The following L3HYPDH variants were observed in gnomAD, a reference collection of about 807,000 sequenced individuals.
L3HYPDH encodes the protein trans-L-3-hydroxyproline dehydratase.
In L3HYPDH, 32 loss-of-function variants were observed where a neutral mutation model predicts 26.5. The ratio of observed to expected loss-of-function variants is 1.21; its 90% CI spans 0.91 to 1.62. The LOEUF is 1.62. L3HYPDH is among the 40% of genes most tolerant of loss of function. The probability of loss-of-function intolerance (pLI) is 0.00; values close to 1 mark genes in which losing one functional copy is unlikely to be tolerated. For synonymous variants in L3HYPDH, 215 were observed against 196.6 expected (o/e 1.09, Z -0.78); for missense variants, 554 against 476.4 (o/e 1.16, Z -1.52).
At chr14:59,483,297 T>C (rs1461715705) in intron 1 of L3HYPDH, among the ~76,000 whole-genome samples, 1 of 152,240 alleles carries the variant, frequency 6.6e-6, no homozygotes, top group Non-Finnish European at 1.5e-5. Flanking sequence ...GCAACATTCG[T>C]ATCTTAATGA....
chr14:59,475,822 C>T lies in L3HYPDH; in HGVS notation c.939+47G>A, dbSNP rs1157646588. On this transcript the variant is annotated intron_variant, in intron 4 of 4. Transcript: ENST00000247194. ...AACACCCAACTCAGGCCTCTCCAGT[C>T]TCATGAGTGACACATTTATAAATAA... The T allele has an allele frequency of 2.6e-6, 4 of 1,563,972 alleles. No homozygotes were observed. In the Admixed American group the frequency reaches 7.4e-5, roughly 29 times the overall value.
intron 4 of L3HYPDH, 54 bp from the exon 5 acceptor site, chr14:59,473,144 T>C: frequency 1.3e-6 from 2 of 1,508,798 alleles, no homozygotes; most frequent in Non-Finnish European, 1.8e-6. Context: ...GTATTATATC[T>C]GGCTTGAAAA....
the L3HYPDH span, chr14:59,495,397 G>C: frequency 1.7e-6 from 1 of 573,932 alleles, no homozygotes; most frequent in Non-Finnish European, 3.1e-6. Context: ...TTTTCTCTTT[G>C]GTAAAATGGG....
chr14:59,470,674 C>G (rs1451703046), downstream of L3HYPDH, among the ~76,000 whole-genome samples: 1 of 152,084 alleles, frequency 6.6e-6, no homozygotes, highest in Non-Finnish European at 1.5e-5. Context: ...CGGGGGCCAC[C>G]ATGGATTGCA....
intron 4 of L3HYPDH, 57 bp downstream of exon 4, chr14:59,475,812 C>A: frequency 6.6e-7 from 1 of 1,508,804 alleles, no homozygotes; most frequent in Non-Finnish European, 9.0e-7. Context: ...CCAACTCAGG[C>A]CTCTCCAGTC....
chr14:59,466,407 C>T (rs1029866106), intron 1 of L3HYPDH, among the ~76,000 whole-genome samples: 2 of 152,220 alleles, frequency 1.3e-5, no homozygotes, highest in African/African-American at 4.8e-5. Context: ...TAACCCTGGG[C>T]TCTTCGCTAA....
At chr14:59,494,942 A>T in the L3HYPDH span, 3 of 999,172 alleles carry the variant, frequency 3.0e-6, no homozygotes, top group Non-Finnish European at 3.1e-6. Flanking sequence ...CTGTATCTTG[A>T]CACATGTACA....
chr14:59,502,867 T>C, the L3HYPDH span, among the ~76,000 whole-genome samples: 1 of 147,426 alleles, frequency 6.8e-6, no homozygotes, highest in African/African-American at 2.5e-5. Context: ...TTCTCCTGCC[T>C]CAGCTTCCTG....
chr14:59,468,348 CCTT>C (rs1263419354), downstream of L3HYPDH, among the ~76,000 whole-genome samples: 5 of 152,218 alleles, frequency 3.3e-5, no homozygotes, highest in African/African-American at 4.8e-5. Flanking sequence ...GTACCACTTT[CCTT>C]CTTTTTTCTG....
chr14:59,481,482 T>C (rs938025305), intron 1 of L3HYPDH, among the ~76,000 whole-genome samples: 2 of 152,200 alleles, frequency 1.3e-5, no homozygotes, highest in Admixed American at 6.5e-5. Flanking sequence ...CCAAACCCTT[T>C]CTACTAAAAT....
At chr14:59,487,538 CTT>C (rs1338719753), upstream of L3HYPDH, 9 of 636,504 alleles carry the variant, frequency 1.4e-5, no homozygotes, top group South Asian at 2.4e-5. Context: ...CTTATGCCCT[CTT>C]TTTTATTTCT....
chr14:59,498,927 G>A, the L3HYPDH span: 7 of 1,407,018 alleles, frequency 5.0e-6, no homozygotes, highest in Non-Finnish European at 5.8e-6. Flanking sequence ...GATGGGTAAA[G>A]TCAATGAAAT....
the L3HYPDH span, among the ~76,000 whole-genome samples, chr14:59,502,144 TTTTC>T: frequency 1.3e-5 from 2 of 152,154 alleles, no homozygotes; most frequent in Non-Finnish European, 2.9e-5. Flanking sequence ...CAATCTGACA[TTTTC>T]TTTCTAAAAT....
upstream of L3HYPDH, chr14:59,487,816 C>T (rs201359876): frequency 5.5e-5 from 89 of 1,613,274 alleles, 1 homozygote; most frequent in African/African-American, 1.0e-3. Flanking sequence ...GAATGGTACT[C>T]GGGGAAAAAG....
chr14:59,466,856 C>T (rs948606605), intron 1 of L3HYPDH, among the ~76,000 whole-genome samples: 4 of 152,166 alleles, frequency 2.6e-5, no homozygotes, highest in Non-Finnish European at 5.9e-5. Flanking sequence ...TTCCTACCTA[C>T]GAGATGCCAG....
chr14:59,477,469 C>T (rs1181034623), intron 2 of L3HYPDH, among the ~76,000 whole-genome samples: 1 of 152,204 alleles, frequency 6.6e-6, no homozygotes, highest in Non-Finnish European at 1.5e-5. Flanking sequence ...AATCCTTCCT[C>T]CCTCAAAGTC....
At chr14:59,499,600 C>T in the L3HYPDH span, among the ~76,000 whole-genome samples, 2 of 152,094 alleles carry the variant, frequency 1.3e-5, no homozygotes, top group African/African-American at 4.8e-5. Context: ...GTAGGCAAGC[C>T]AGTGGCTGAG....
chr14:59,483,551 G>C (rs1023139528), intron 1 of L3HYPDH: 29 of 1,405,284 alleles, frequency 2.1e-5, no homozygotes, highest in African/African-American at 8.7e-5. Flanking sequence ...GAGGCGCTGA[G>C]TCAGGGTAAC....
chr14:59,502,696 G>A, the L3HYPDH span, among the ~76,000 whole-genome samples: 1 of 147,878 alleles, frequency 6.8e-6, no homozygotes, highest in Non-Finnish European at 1.5e-5. Flanking sequence ...TCAACTCTAG[G>A]GAAAGATTTG....
Sources: allele counts gnomAD v4.1 joint callset (sites outside exome capture counted in the v4.1 genomes callset), GRCh38; gene constraint gnomAD v4.1.1; transcripts MANE v1.5; gene names NCBI Gene and HGNC (gene_info 2026-07-23, HGNC 2026-07-21).